SGCZ: variants seen among roughly 807,000 people sequenced by gnomAD.
SGCZ encodes sarcoglycan zeta.
SGCZ carries 40 observed loss-of-function variants against 41.3 expected under a neutral mutation model. The ratio of observed to expected loss-of-function variants is 0.97; its 90% confidence interval spans 0.75 to 1.26. The LOEUF is 1.26. Among genes scored for constraint, SGCZ ranks in the 50% most tolerant of loss-of-function variants. SGCZ has a pLI of 0.00. For missense variants in SGCZ, 552 were observed against 369.8 expected, an observed-to-expected ratio of 1.49 and a Z score of -4.04; for synonymous variants, 206 against 137.5, an observed-to-expected ratio of 1.50 and a Z score of -3.49.
intron 1 of SGCZ, among the ~76,000 whole-genome samples, chr8:15,006,460 C>A (rs560018251): frequency 6.6e-6 from 1 of 152,126 alleles, no homozygotes; most frequent in Non-Finnish European, 1.5e-5. Context: ...AAGGGAAGAA[C>A]CTTACGAAGC....
chr8:14,500,312 G>A (rs1370567211), intron 2 of SGCZ, among the ~76,000 whole-genome samples: 1 of 151,992 alleles, frequency 6.6e-6, no homozygotes, highest in Non-Finnish European at 1.5e-5. Context: ...CTCATCAGGC[G>A]CCATTGTCAG....
At position 14,085,890 on chromosome 8, in the gene SGCZ, T is replaced by A. The variant is rs1255953383; in HGVS notation, c.*4553A>T. On this transcript the variant is annotated 3_prime_UTR_variant, in exon 8 of 8. Coordinates refer to ENST00000382080, the MANE Select transcript of SGCZ (RefSeq NM_139167.4). Reference sequence around the variant, plus strand: ...ATAAATTAGTAGGAGCAGCAGTGTTTTAGAGTTAAATACAATAGAAATCCC... The same window carrying A: ...ATAAATTAGTAGGAGCAGCAGTGTTATAGAGTTAAATACAATAGAAATCCC... Among the ~76,000 whole-genome samples the A allele has an allele frequency of 6.6e-6, 1 of 151,802 alleles. No homozygotes were observed. Among genetic ancestry groups the A allele is most frequent in the African/African-American group, 2.4e-5 (1 of 41,418 alleles).
intron 1 of SGCZ, among the ~76,000 whole-genome samples, chr8:15,001,101 C>T (rs1219381337): frequency 6.6e-6 from 1 of 152,180 alleles, no homozygotes; most frequent in Non-Finnish European, 1.5e-5. Context: ...AACAACTGGC[C>T]TCTTGGAATT....
intron 3 of SGCZ, among the ~76,000 whole-genome samples, chr8:14,291,115 A>T (rs1014689873): frequency 6.6e-6 from 1 of 152,102 alleles, no homozygotes; most frequent in African/African-American, 2.4e-5. Context: ...GAATCTAAAA[A>T]GTTTTTATCA....
chr8:14,975,789 T>TTTTATA (rs757234349), intron 1 of SGCZ, among the ~76,000 whole-genome samples: 2,032 of 125,392 alleles, frequency 0.016, 22 homozygotes, highest in Non-Finnish European at 0.027. Context: ...TTTTCCACTT[T>TTTTATA]TATATATATA....
At chr8:14,154,657 C>T (rs917092779) in intron 5 of SGCZ, among the ~76,000 whole-genome samples, 1 of 152,172 alleles carries the variant, frequency 6.6e-6, no homozygotes, top group African/African-American at 2.4e-5. Context: ...ATCTGATTGG[C>T]TTTAAAACAT....
At chr8:15,227,998 C>G (rs936174398) in intron 1 of SGCZ, among the ~76,000 whole-genome samples, 1 of 152,126 alleles carries the variant, frequency 6.6e-6, no homozygotes, top group Non-Finnish European at 1.5e-5. Context: ...TAAATCGTAT[C>G]TTTCCAGAAG....
intron 3 of SGCZ, among the ~76,000 whole-genome samples, chr8:14,295,256 G>A (rs1319593861): frequency 6.6e-6 from 1 of 152,142 alleles, no homozygotes; most frequent in East Asian, 1.9e-4. Context: ...ATTCACCCAT[G>A]AAAGGGAACA....
intron 2 of SGCZ, among the ~76,000 whole-genome samples, chr8:14,326,382 C>A (rs111347751): frequency 6.6e-5 from 10 of 151,626 alleles, no homozygotes; most frequent in African/African-American, 2.4e-4. Context: ...ACAGAAAATA[C>A]GTTATAGAAA....
At chr8:14,669,660 G>C (rs1010153558) in intron 1 of SGCZ, among the ~76,000 whole-genome samples, 1 of 150,686 alleles carries the variant, frequency 6.6e-6, no homozygotes, top group Non-Finnish European at 1.5e-5. Context: ...ACTTGCTTCT[G>C]TCTTATGGCT....
chr8:15,176,908 G>A (rs1402763765), intron 1 of SGCZ, among the ~76,000 whole-genome samples: 1 of 152,168 alleles, frequency 6.6e-6, no homozygotes, highest in East Asian at 1.9e-4. Context: ...GGCTGAGGCA[G>A]GACAATGGCG....
At chr8:14,744,094 C>T (rs1050119511) in intron 1 of SGCZ, among the ~76,000 whole-genome samples, 10 of 151,198 alleles carry the variant, frequency 6.6e-5, no homozygotes, top group Non-Finnish European at 1.5e-4. Flanking sequence ...GGTTTCGTCT[C>T]TTTTAGGCTT....
intron 1 of SGCZ, among the ~76,000 whole-genome samples, chr8:15,042,024 G>C (rs1246100717): frequency 6.6e-6 from 1 of 152,050 alleles, no homozygotes; most frequent in African/African-American, 2.4e-5. Context: ...TATTCTTTGG[G>C]TTTATTTTTA....
chr8:14,591,389 A>G (rs1244097187), intron 1 of SGCZ, among the ~76,000 whole-genome samples: 1 of 152,022 alleles, frequency 6.6e-6, no homozygotes, highest in Non-Finnish European at 1.5e-5. Flanking sequence ...TTCACATCAT[A>G]ATGCTCATTT....
At chr8:14,947,259 G>A (rs1800483901) in intron 1 of SGCZ, among the ~76,000 whole-genome samples, 1 of 152,148 alleles carries the variant, frequency 6.6e-6, no homozygotes, top group Non-Finnish European at 1.5e-5. Context: ...ATTTCTTAAT[G>A]GACCATTAGC....
intron 4 of SGCZ, among the ~76,000 whole-genome samples, chr8:14,198,026 A>T (rs571165617): frequency 6.6e-6 from 1 of 152,206 alleles, no homozygotes; most frequent in South Asian, 2.1e-4. Context: ...TAGGAATTAA[A>T]CTTAATATTT....
rs1800228048 is a variant in SGCZ, at chr8:14,440,712, CATACGTATACACGTATATGTATATAT to C, written c.234+113994_234+114019del. ...ACACGTATATGTATATATGTATATA[CATACGTATACACGTATATGTATATAT>C]GTATATACATACGTATACACGTATA... On this transcript the variant is annotated intron_variant, in intron 2 of 7. Coordinates refer to ENST00000382080, the MANE Select transcript of SGCZ (RefSeq NM_139167.4). Among the ~76,000 whole-genome samples the C allele has an allele frequency of 4.5e-5, 6 of 133,112 alleles. No homozygotes were observed. In the South Asian group the frequency reaches 6.9e-4, roughly 15 times the overall value. 87.3% of individuals were successfully genotyped at this position (133,112 alleles called of 152,430 possible).
At chr8:15,180,163 C>G (rs1350193248) in intron 1 of SGCZ, among the ~76,000 whole-genome samples, 1 of 152,100 alleles carries the variant, frequency 6.6e-6, no homozygotes, top group Non-Finnish European at 1.5e-5. Context: ...AAACTATCAC[C>G]CTCTCATCCC....
intron 1 of SGCZ, among the ~76,000 whole-genome samples, chr8:14,977,611 C>T (rs2130874601): frequency 6.6e-6 from 1 of 152,000 alleles, no homozygotes; most frequent in South Asian, 2.1e-4. Context: ...ATTTAGAATA[C>T]AGGAAAATAA....
Sources: gnomAD v4.1 joint callset for allele counts (sites outside exome capture counted in the v4.1 genomes callset) on GRCh38, gnomAD v4.1.1 for gene constraint, MANE v1.5 for transcripts, NCBI Gene and HGNC (gene_info 2026-07-23, HGNC 2026-07-21) for gene names.